The following NBPF11 variants were observed in gnomAD, a reference collection of about 807,000 sequenced individuals.
NBPF11 encodes the protein NBPF family member NBPF11.
In NBPF11, 72 loss-of-function variants were observed where a neutral mutation model predicts 93.9. The observed-to-expected ratio is 0.77, with a 90% CI of 0.63 to 0.93. The LOEUF (loss-of-function observed/expected upper bound fraction) is 0.93. NBPF11 is among the 40% of genes least tolerant of loss of function. The pLI is 0.00. For synonymous variants in NBPF11, 224 were observed against 304.9 expected (o/e 0.73, Z 2.76); for missense variants, 705 against 802.2 (o/e 0.88, Z 1.46).
At chr1:148,117,076 G>A (rs1454129790) in intron 12 of NBPF11, among the ~76,000 whole-genome samples, 1 of 151,982 alleles carries the variant, frequency 6.6e-6, no homozygotes, top group African/African-American at 2.4e-5. Flanking sequence ...ACCACACGGA[G>A]AGGGGCTTCA....
chr1:148,120,476 G>C, intron 10 of NBPF11, 25 bp downstream of exon 10: 1 of 901,028 alleles, frequency 1.1e-6, no homozygotes, highest in Non-Finnish European at 1.9e-6. Flanking sequence ...CATCACTTTC[G>C]TGATGGTGAG....
In NBPF11 at chr1:148,103,844, G is replaced by A. The variant is rs1400684211; in HGVS notation, c.*52C>T. On this transcript the variant is annotated 3_prime_UTR_variant, in exon 24 of 24. Transcript: ENST00000682118. The stretch of plus-strand genomic sequence containing the variant: ...TAGTTCAAAGTACATTGATGGAGTC[G>A]AATAATATCTATCCAGTGAGTCCTG... 90 of 1,611,242 alleles carry A rather than the reference G, an allele frequency of 5.6e-5. No individual in the cohort carries two copies. The highest frequency in any genetic ancestry group is 2.3e-4 in the South Asian group (21 of 90,986).
At position 148,108,533 on chromosome 1, in the gene NBPF11, C is replaced by T; in HGVS notation, c.1975G>A (p.Ala659Thr). 1.2e-6 allele frequency: 2 copies of T among 1,602,082 alleles called. No individual in the cohort carries two copies. Among genetic ancestry groups the T allele is most frequent in the East Asian group, 2.2e-5 (1 of 44,790 alleles). ...LTDSCQPYRS[A>T]FYVLEQQRIG... ...CGCTGTTGCTCCAATACGTAAAAGG[C>T]ACTTCTGTAGGGCTGGCATGAGTCA... is the stretch of plus-strand genomic sequence containing the variant. The change falls in exon 18 of 24, where the codon GCC becomes ACC. Residue 659 changes from alanine (A) to threonine (T), a missense_variant. Physicochemically the swap from Ala to Thr is moderately conservative, Grantham distance 58. Coordinates refer to ENST00000682118, the MANE Select transcript of NBPF11 (RefSeq NM_001385469.3).
chr1:148,147,377 C>G (rs1673341389), intron 1 of NBPF11, among the ~76,000 whole-genome samples: 1 of 152,024 alleles, frequency 6.6e-6, no homozygotes, highest in African/African-American at 2.4e-5. Flanking sequence ...CTTGGCCATC[C>G]TGGGGCAGGG....
At position 148,124,394 on chromosome 1, in the gene NBPF11, A is replaced by G. The variant is rs1458391846; in HGVS notation, c.279-327T>C. 2.0e-5 allele frequency among the ~76,000 whole-genome samples: 3 copies of G among 150,182 alleles called. No individual in the cohort carries two copies. In the East Asian group the frequency reaches 5.9e-4, roughly 29 times the overall value. ...TGGCCATGGACATTTCCATGTGAAA[A>G]TACACATAGTGCATCTTGCGGCCAC... On this transcript the variant is annotated intron_variant, in intron 6 of 23. Transcript: ENST00000682118.
chr1:148,128,077 A>G (rs1252831792), intron 4 of NBPF11, among the ~76,000 whole-genome samples: 2 of 145,756 alleles, frequency 1.4e-5, no homozygotes, highest in African/African-American at 5.3e-5. Context: ...ACAATTTTAT[A>G]TCCATTTTTC....
chr1:148,141,240 T>C (rs1477998088), intron 2 of NBPF11, among the ~76,000 whole-genome samples: 2 of 152,112 alleles, frequency 1.3e-5, no homozygotes, highest in East Asian at 3.9e-4. Flanking sequence ...CATTACGTAA[T>C]TGCCAAAACC....
At chr1:148,112,164 A>ATT (rs1278652974) in intron 15 of NBPF11, among the ~76,000 whole-genome samples, 3 of 145,020 alleles carry the variant, frequency 2.1e-5, no homozygotes, top group African/African-American at 8.0e-5. Flanking sequence ...ATATATATAT[A>ATT]TTTTAATACT....
intron 9 of NBPF11, 35 bp from the exon 10 acceptor site, chr1:148,120,745 A>T: frequency 1.4e-6 from 2 of 1,390,530 alleles, no homozygotes; most frequent in Non-Finnish European, 2.0e-6. Context: ...TGATGGGTTA[A>T]AAACTGGTGA....
At chr1:148,132,723 CTTTTTTTTTTTTTTTTTTT>C (rs796172565) in intron 4 of NBPF11, among the ~76,000 whole-genome samples, 2 of 33,220 alleles carry the variant, frequency 6.0e-5, no homozygotes, top group Admixed American at 3.9e-4. Flanking sequence ...GTTGACTTTC[CTTTTTTTTTTTTTTTTTTT>C]TTTTTTTTTT....
intron 14 of NBPF11, 67 bp from the exon 15 acceptor site, chr1:148,114,555 G>A: frequency 1.8e-6 from 1 of 554,810 alleles, no homozygotes; most frequent in Non-Finnish European, 3.2e-6. Context: ...ACAAATCACT[G>A]TCCAGTCATA....
rs1571507067 is a variant in NBPF11 at position 148,152,002 on chromosome 1, C to G, written c.-801G>C. The G allele has an allele frequency of 6.6e-6, 1 of 152,156 alleles. No homozygotes were observed. Among genetic ancestry groups the G allele is most frequent in the Admixed American group, 6.5e-5 (1 of 15,282 alleles). 9.4% of individuals were successfully genotyped at this position (152,156 alleles called of 1,614,324 possible). ...TCCTCAGGGTCCGGATGGGCCGTGT[C>G]AGGAGAGCCCAAGGCACAGGCGCAG... On this transcript the variant is annotated 5_prime_UTR_variant, in exon 1 of 24. Coordinates refer to ENST00000682118, the MANE Select transcript of NBPF11 (RefSeq NM_001385469.3).
intron 23 of NBPF11, among the ~76,000 whole-genome samples, 161 bp from the exon 24 acceptor site, chr1:148,104,073 G>C (rs1662937153): frequency 6.7e-6 from 1 of 149,822 alleles, no homozygotes; most frequent in Non-Finnish European, 1.5e-5. Context: ...ATAGAACAGG[G>C]CCAGGTAGAA....
intron 15 of NBPF11, among the ~76,000 whole-genome samples, chr1:148,111,030 G>A (rs1163791116): frequency 5.6e-4 from 85 of 151,306 alleles, no homozygotes; most frequent in Non-Finnish European, 1.0e-3. Flanking sequence ...ACCAACAAAT[G>A]GGAAGAAAGC....
intron 4 of NBPF11, among the ~76,000 whole-genome samples, chr1:148,134,183 C>T (rs1421193306): frequency 1.3e-5 from 2 of 151,516 alleles, no homozygotes; most frequent in Non-Finnish European, 2.9e-5. Flanking sequence ...GAGGAGAATG[C>T]CTCTGGGTCT....
In NBPF11 at chr1:148,118,594, T is replaced by C. The variant is rs1403783631; in HGVS notation, c.1091+26A>G. 104 of 1,590,844 alleles carry C rather than the reference T, an allele frequency of 6.5e-5. 1 individual carries two copies. The highest frequency in any genetic ancestry group is 1.0e-4 in the Admixed American group (6 of 59,954). On this transcript the variant is annotated intron_variant, in intron 11 of 23. Transcript: ENST00000682118. ...TCAGAGATTTACACACCTGCCCCCC[T>C]GCCTGCCCCCATGGGGTCCCCTCAC...
At position 148,103,847 on chromosome 1, in the gene NBPF11, T is replaced by C. The variant is rs1165392159; in HGVS notation, c.*49A>G. On this transcript the variant is annotated 3_prime_UTR_variant, in exon 24 of 24. Transcript: ENST00000682118. ...TTCAAAGTACATTGATGGAGTCGAATAATATCTATCCAGTGAGTCCTGTAA... is the reference window on the plus strand; with the variant it reads ...TTCAAAGTACATTGATGGAGTCGAACAATATCTATCCAGTGAGTCCTGTAA... The C allele has an allele frequency of 1.6e-5, 25 of 1,611,276 alleles. No homozygotes were observed. The highest frequency in any genetic ancestry group is 1.9e-5 in the Non-Finnish European group (22 of 1,179,404).
At chr1:148,142,308 T>A (rs1672323471) in intron 2 of NBPF11, among the ~76,000 whole-genome samples, 1 of 151,990 alleles carries the variant, frequency 6.6e-6, no homozygotes, top group Non-Finnish European at 1.5e-5. Flanking sequence ...AACTATATAC[T>A]GTTTCCATGG....
At position 148,108,614 on chromosome 1, in the gene NBPF11, A is replaced by T. The variant is rs1434857262; in HGVS notation, c.1894T>A (p.Leu632Met). The T allele has an allele frequency of 2.1e-5, 32 of 1,492,580 alleles. No individual in the cohort carries two copies. The highest frequency in any genetic ancestry group is 5.6e-5 in the African/African-American group (4 of 70,822). 92.5% of individuals were successfully genotyped at this position (1,492,580 alleles called of 1,614,324 possible). ...ELLDEKEPEV[L>M]QDSLDRCYST... ...TAACATCTATCCAGTGAGTCCTGCA[A>T]GACTTCAGGCTCTTTCTCATCCAGC... Residue 632 changes from leucine to methionine, a missense_variant, in exon 18 of 24, where the codon TTG (leucine) becomes ATG (methionine). Leu to Met is a conservative substitution (Grantham distance 15). Coordinates refer to ENST00000682118, the MANE Select transcript of NBPF11 (RefSeq NM_001385469.3).
Sources: allele counts gnomAD v4.1 joint callset (sites outside exome capture counted in the v4.1 genomes callset), GRCh38; gene constraint gnomAD v4.1.1; transcripts MANE v1.5; gene names NCBI Gene and HGNC (gene_info 2026-07-23, HGNC 2026-07-21).